PTPRO: variants seen among roughly 807,000 people sequenced by gnomAD.
PTPRO encodes protein tyrosine phosphatase receptor type O.
In PTPRO, 62 loss-of-function variants were observed where a neutral mutation model predicts 145.2. That is an observed-to-expected ratio of 0.43 (90% CI 0.35 to 0.53). The LOEUF (loss-of-function observed/expected upper bound fraction) is 0.53, where lower values mean the gene tolerates loss of function less well. Among genes scored for constraint, PTPRO ranks in the 20% least tolerant of loss-of-function variants. PTPRO has a pLI of 0.01. For synonymous variants in PTPRO, 565 were observed against 514.7 expected, an observed-to-expected ratio of 1.10 and a Z score of -1.32; for missense variants, 1,345 against 1,482.7, an observed-to-expected ratio of 0.91 and a Z score of 1.53.
At chr12:15,509,770 A>G (rs929916545) in intron 7 of PTPRO, among the ~76,000 whole-genome samples, 7 of 152,126 alleles carry the variant, frequency 4.6e-5, no homozygotes, top group South Asian at 2.1e-4. Context: ...TGAAGAATAT[A>G]TGGGAGACAG....
At chr12:15,336,580 A>G (rs1866770387) in intron 1 of PTPRO, among the ~76,000 whole-genome samples, 2 of 152,196 alleles carry the variant, frequency 1.3e-5, no homozygotes, top group African/African-American at 4.8e-5. Context: ...TTTCACAACT[A>G]AACACTGTGC....
At chr12:15,430,526 G>C (rs1306065126) in intron 1 of PTPRO, among the ~76,000 whole-genome samples, 1 of 152,102 alleles carries the variant, frequency 6.6e-6, no homozygotes, top group African/African-American at 2.4e-5. Context: ...AAAGATGGTG[G>C]TAGTCATGAT....
chr12:15,503,920 A>G lies in PTPRO; in HGVS notation c.1118A>G (p.Glu373Gly). 1 of 1,578,256 alleles carries G rather than the reference A, an allele frequency of 6.3e-7. No individual in the cohort carries two copies. Among genetic ancestry groups the G allele is most frequent in the Non-Finnish European group, 8.7e-7 (1 of 1,148,152 alleles). The change falls in exon 6 of 27, where the codon GAA becomes GGA. Residue 373 changes from glutamate to glycine, a missense_variant. By Grantham distance (98) the Glu-to-Gly change is moderately conservative (BLOSUM62 -2). Around this residue, in one of 3 missense-constraint regions of PTPRO, gnomAD observed 1,130 missense variants for 1,214.7 expected, o/e 0.93. Transcript: ENST00000281171. ...ATATATGATTTAGAGAACTTTACTG[A>G]ATATTTGATGGTGGATGAAGAAGCA... ...IHIEREENFT[E>G]YLMVDEEAHE... is the part of the protein sequence containing the mutation.
chr12:15,430,396 CCTTGA>C (rs756112132), intron 1 of PTPRO, among the ~76,000 whole-genome samples: 4 of 151,988 alleles, frequency 2.6e-5, no homozygotes, highest in South Asian at 2.1e-4. Flanking sequence ...GCAAATTCCT[CCTTGA>C]CTTGACTTGA....
At chr12:15,466,841 A>G (rs959890495) in intron 1 of PTPRO, among the ~76,000 whole-genome samples, 2 of 152,216 alleles carry the variant, frequency 1.3e-5, no homozygotes, top group African/African-American at 2.4e-5. Flanking sequence ...GACTGATCTT[A>G]AAGTGATAAT....
intron 1 of PTPRO, among the ~76,000 whole-genome samples, chr12:15,405,495 C>T (rs1939622380): frequency 6.6e-6 from 1 of 152,096 alleles, no homozygotes; most frequent in Admixed American, 6.6e-5. Context: ...AATCAGAACT[C>T]ATAGTTCCAT....
chr12:15,518,545 A>G (rs1371008822), intron 9 of PTPRO, among the ~76,000 whole-genome samples: 1 of 152,132 alleles, frequency 6.6e-6, no homozygotes, highest in Non-Finnish European at 1.5e-5. Context: ...TTTCTATCAC[A>G]TTGTCAAGCT....
At chr12:15,329,282 G>A (rs1031924312) in intron 1 of PTPRO, among the ~76,000 whole-genome samples, 4 of 152,150 alleles carry the variant, frequency 2.6e-5, no homozygotes, top group African/African-American at 9.7e-5. Flanking sequence ...TTGGTTCCAC[G>A]CATAGGAATT....
At chr12:15,466,180 T>C (rs999789915) in intron 1 of PTPRO, among the ~76,000 whole-genome samples, 1 of 152,232 alleles carries the variant, frequency 6.6e-6, no homozygotes, top group Non-Finnish European at 1.5e-5. Flanking sequence ...CCTGTTGTTT[T>C]CATAATTCTA....
At chr12:15,471,375 G>A (rs1299439758) in intron 1 of PTPRO, among the ~76,000 whole-genome samples, 1 of 152,058 alleles carries the variant, frequency 6.6e-6, no homozygotes, top group South Asian at 2.1e-4. Context: ...ATTTAACACA[G>A]GAAAGACTGA....
chr12:15,495,780 G>C (rs1280645310), intron 2 of PTPRO, among the ~76,000 whole-genome samples: 1 of 152,170 alleles, frequency 6.6e-6, no homozygotes, highest in African/African-American at 2.4e-5. Flanking sequence ...ATGGCACCTG[G>C]TTACAGAAAT....
intron 1 of PTPRO, among the ~76,000 whole-genome samples, chr12:15,360,061 A>C (rs899739951): frequency 6.6e-6 from 1 of 152,212 alleles, no homozygotes; most frequent in Non-Finnish European, 1.5e-5. Flanking sequence ...AACTTATCGC[A>C]GAGATTATTC....
intron 1 of PTPRO, among the ~76,000 whole-genome samples, chr12:15,423,891 T>C (rs902594828): frequency 1.8e-4 from 28 of 152,192 alleles, no homozygotes; most frequent in Admixed American, 8.5e-4. Flanking sequence ...GGAGAACTTA[T>C]TGTAGCTCCA....
intron 1 of PTPRO, among the ~76,000 whole-genome samples, chr12:15,450,148 C>T (rs1377105633): frequency 6.6e-6 from 1 of 152,166 alleles, no homozygotes; most frequent in African/African-American, 2.4e-5. Context: ...GCATTTTTAA[C>T]TTGATATTTC....
intron 23 of PTPRO, among the ~76,000 whole-genome samples, chr12:15,582,032 A>G (rs753134726): frequency 1.3e-5 from 2 of 152,248 alleles, no homozygotes; most frequent in Non-Finnish European, 2.9e-5. Context: ...CATTGTTTCT[A>G]TAGATTATAG....
chr12:15,465,997 T>C (rs1591836263), intron 1 of PTPRO, among the ~76,000 whole-genome samples: 1 of 152,172 alleles, frequency 6.6e-6, no homozygotes, highest in African/African-American at 2.4e-5. Context: ...CTATGTTAGG[T>C]GGTTTATAAA....
intron 1 of PTPRO, among the ~76,000 whole-genome samples, chr12:15,463,609 C>A (rs933935336): frequency 6.6e-6 from 1 of 152,084 alleles, no homozygotes; most frequent in Non-Finnish European, 1.5e-5. Flanking sequence ...CTTATTCTAT[C>A]ACCATTATAT....
At chr12:15,477,793 GTGCTGATATCC>G (rs1463547177) in intron 1 of PTPRO, among the ~76,000 whole-genome samples, 2 of 152,164 alleles carry the variant, frequency 1.3e-5, no homozygotes, top group African/African-American at 4.8e-5. Flanking sequence ...AGCACACATT[GTGCTGATATCC>G]TCCATGGCAC....
Position 15,565,625 on chromosome 12 carries a change from C to A in PTPRO, c.2744C>A (p.Thr915Lys). The change falls in exon 18 of 27, where the codon ACA becomes AAA. Residue 915 changes from threonine (T) to lysine (K), a missense_variant. This residue lies in a region of PTPRO where 1,130 missense variants were observed against 1,214.7 expected (regional missense o/e 0.93). Coordinates refer to ENST00000281171, the MANE Select transcript of PTPRO (RefSeq NM_030667.3). Reference protein sequence around the residue: ...SKNGLKKRKLTNPVQLDDFDA... With the variant: ...SKNGLKKRKLKNPVQLDDFDA... ...AATGGTTTAAAGAAGAGGAAACTGA[C>A]AAAGTAAGTTTTTCTTACTATGTCA... The A allele has an allele frequency of 2.8e-6, 4 of 1,449,700 alleles. No homozygotes were observed. Among genetic ancestry groups the A allele is most frequent in the South Asian group, 2.3e-5 (2 of 86,870 alleles). The allele number at this position is 1,449,700 out of a possible 1,614,324, so 89.8% of individuals were successfully genotyped here.
Sources: allele counts gnomAD v4.1 joint callset (sites outside exome capture counted in the v4.1 genomes callset), GRCh38; gene constraint gnomAD v4.1.1; regional missense constraint gnomAD v4.1.1; transcripts MANE v1.5; gene names NCBI Gene and HGNC (gene_info 2026-07-23, HGNC 2026-07-21).